Variants in RHD observed in about 807,000 individuals in gnomAD.
RHD encodes the protein Rh blood group D antigen, also known as blood group Rh(D) polypeptide.
RHD carries 16 observed loss-of-function variants against 45.5 expected under a neutral mutation model. The ratio of observed to expected loss-of-function variants is 0.35; its 90% CI spans 0.24 to 0.53. The LOEUF (loss-of-function observed/expected upper bound fraction) is 0.53. Among genes scored for constraint, RHD ranks in the 20% least tolerant of loss-of-function variants. The pLI, the probability that RHD is intolerant of heterozygous loss-of-function variation, is 0.92. For missense variants in RHD, 306 were observed against 532.0 expected (o/e 0.58, Z 4.18); for synonymous variants, 131 against 217.5 (o/e 0.60, Z 3.50).
intron 7 of RHD, chr1:25,307,083 A>G (rs1643889957): frequency 3.1e-6 from 1 of 326,364 alleles, no homozygotes. Flanking sequence ...CCCACTGCGT[A>G]CTAGCTGGGC....
In RHD at chr1:25,290,771, G is replaced by T; in HGVS notation, c.466G>T (p.Val156Phe). Residue 156 changes from valine (V) to phenylalanine (F), a missense_variant, in exon 3 of 10, where the codon GTC becomes TTC. Physicochemically the swap from Val to Phe is conservative, Grantham distance 50. Transcript: ENST00000328664. ...EVTALGNLRM[V>F]ISNIFNTDYH... is the part of the protein sequence containing the mutation. ...GACAGCTTTAGGCAACCTGAGGATGGTCATCAGTAATATCTTCAACGTGAG... is the reference window on the plus strand; with the variant it reads ...GACAGCTTTAGGCAACCTGAGGATGTTCATCAGTAATATCTTCAACGTGAG... The T allele has an allele frequency of 2.2e-6, 3 of 1,377,170 alleles. 1 individual carries two copies. Among genetic ancestry groups the T allele is most frequent in the Middle Eastern group, 3.6e-4 (2 of 5,494 alleles). The allele number at this position is 1,377,170 out of a possible 1,614,324, so 85.3% of individuals were successfully genotyped here. A position where few individuals can be genotyped will look rare whatever the true frequency, so the allele number is the denominator to read the frequency against.
At chr1:25,307,054 G>C (rs1643888703) in intron 7 of RHD, 2 of 337,772 alleles carry the variant, frequency 5.9e-6, no homozygotes, top group East Asian at 1.2e-4. Context: ...GTGATGCAGA[G>C]CTTTGCTGTG....
At chr1:25,303,242 C>G in intron 5 of RHD, 80 bp from the exon 6 acceptor site, 1 of 1,043,584 alleles carries the variant, frequency 9.6e-7, no homozygotes, top group Admixed American at 2.0e-5. Flanking sequence ...TTGCCTTGTT[C>G]CCAGCGTGCT....
chr1:25,280,057 G>T (rs1214840598), intron 1 of RHD, among the ~76,000 whole-genome samples: 1 of 129,576 alleles, frequency 7.7e-6, no homozygotes, highest in Non-Finnish European at 1.8e-5. Flanking sequence ...GAGGGGGCAG[G>T]GGGAGGAGAA....
At position 25,322,877 on chromosome 1, in the gene RHD, G is replaced by A. The variant is rs1644793179; in HGVS notation, c.1227+915G>A. 1.6e-5 allele frequency among the ~76,000 whole-genome samples: 2 copies of A among 126,644 alleles called. 1 individual carries two copies. The highest frequency in any genetic ancestry group is 5.4e-5 in the African/African-American group (2 of 37,188). 83.1% of individuals were successfully genotyped at this position (126,644 alleles called of 152,430 possible). ...TAGAAAGGGGAGCGGGAATTGAGCT[G>A]AAGCAATCTTACAGAAGTAAAACAG... On this transcript the variant is annotated intron_variant, in intron 9 of 9. Coordinates refer to ENST00000328664, the MANE Select transcript of RHD (RefSeq NM_016124.6).
intron 3 of RHD, among the ~76,000 whole-genome samples, chr1:25,296,243 C>CTTT (rs894411494): frequency 1.7e-5 from 2 of 115,386 alleles, no homozygotes; most frequent in Admixed American, 8.4e-5. Flanking sequence ...GTGTACATTT[C>CTTT]TTTTTTTTTT....
Position 25,276,229 on chromosome 1 carries a change from A to T in RHD, c.148+3534A>T, listed in dbSNP as rs1396226722. Among the ~76,000 whole-genome samples the T allele has an allele frequency of 1.5e-5, 2 of 130,322 alleles. 1 individual carries two copies. The highest frequency in any genetic ancestry group is 3.6e-5 in the Non-Finnish European group (2 of 55,496). The allele number at this position is 130,322 out of a possible 152,430, so 85.5% of individuals were successfully genotyped here. ...TTTTTTAAGTCTCCATCTGTTAGAG[A>T]GGCACATTGAAATGGCATGATATCT... On this transcript the variant is annotated intron_variant, in intron 1 of 9. Transcript: ENST00000328664.
intron 1 of RHD, among the ~76,000 whole-genome samples, chr1:25,273,290 C>A: frequency 8.1e-6 from 1 of 123,234 alleles, no homozygotes; most frequent in Admixed American, 8.0e-5. Context: ...AGGGCACCAC[C>A]ATGCCTGGCT....
Position 25,321,685 on chromosome 1 carries a change from A to AAATAAAATAAAATAAAATAC in RHD, c.1154-185_1154-184insCAATAAAATAAAATAAAATA, listed in dbSNP as rs1557568287. ...ACTCTGTCTCAAAATAAATAAAATA[A>AAATAAAATAAAATAAAATAC]AATAAAATAAAATAAAATAAAATAG... On this transcript the variant is annotated intron_variant, in intron 8 of 9. Coordinates refer to ENST00000328664, the MANE Select transcript of RHD (RefSeq NM_016124.6). Among the ~76,000 whole-genome samples the AAATAAAATAAAATAAAATAC allele has an allele frequency of 1.6e-5, 2 of 123,912 alleles. 1 individual carries two copies. The highest frequency in any genetic ancestry group is 3.8e-5 in the Non-Finnish European group (2 of 52,690). The allele number at this position is 123,912 out of a possible 152,430, so 81.3% of individuals were successfully genotyped here.
intron 3 of RHD, among the ~76,000 whole-genome samples, chr1:25,299,872 C>A (rs191827646): frequency 7.6e-6 from 1 of 131,338 alleles, no homozygotes; most frequent in East Asian, 2.0e-4. Context: ...GCATCAGCCT[C>A]CCAGGTAGAT....
At chr1:25,322,788 C>T (rs540679093) in intron 9 of RHD, among the ~76,000 whole-genome samples, 2,740 of 123,266 alleles carry the variant, frequency 0.022, 398 homozygotes, top group African/African-American at 0.069. Context: ...GACCTAGAGA[C>T]GACTAGTGCT....
At chr1:25,299,070 G>GAGA (rs746810539) in intron 3 of RHD, among the ~76,000 whole-genome samples, 1 of 61,062 alleles carries the variant, frequency 1.6e-5, no homozygotes, top group Non-Finnish European at 3.5e-5. Context: ...AGCACATGGT[G>GAGA]ATAAAAAAAA....
Position 25,282,839 on chromosome 1 carries a change from G to C in RHD, c.149-1734G>C, listed in dbSNP as rs537573442. ...GAACCCGGGAGGTGGAGGTTGCAGCGAGCCGAGATCGCACCACTGCACTCC... is the reference window on the plus strand; with the variant it reads ...GAACCCGGGAGGTGGAGGTTGCAGCCAGCCGAGATCGCACCACTGCACTCC... On this transcript the variant is annotated intron_variant, in intron 1 of 9. Transcript: ENST00000328664. 4.6e-5 allele frequency among the ~76,000 whole-genome samples: 6 copies of C among 129,504 alleles called. 1 individual carries two copies. The highest frequency in any genetic ancestry group is 1.6e-4 in the African/African-American group (6 of 38,000). The allele number at this position is 129,504 out of a possible 152,430, so 85.0% of individuals were successfully genotyped here.
In RHD at chr1:25,329,830, T is replaced by C. The variant is rs1387448128; in HGVS notation, c.*906T>C. 2 of 129,404 alleles carry C rather than the reference T, an allele frequency of 1.5e-5. 1 individual carries two copies. 8.0% of individuals were successfully genotyped at this position (129,404 alleles called of 1,614,324 possible). A position where few individuals can be genotyped will look rare whatever the true frequency, so the allele number is the denominator to read the frequency against. ...TACCACACCCAGCTAATTTTTGCAT[T>C]TTTACTTGACAGGGTTTCACCATGT... On this transcript the variant is annotated 3_prime_UTR_variant, in exon 10 of 10. Coordinates refer to ENST00000328664, the MANE Select transcript of RHD (RefSeq NM_016124.6).
In RHD at chr1:25,318,415, C is replaced by T. The variant is rs1380102904; in HGVS notation, c.1153+1336C>T. 3 of 131,540 alleles carry T rather than the reference C, an allele frequency of 2.3e-5. 1 individual carries two copies. Among genetic ancestry groups the T allele is most frequent in the Non-Finnish European group, 5.4e-5 (3 of 55,496 alleles). The allele number at this position is 131,540 out of a possible 1,614,324, so 8.1% of individuals were successfully genotyped here. A position where few individuals can be genotyped will look rare whatever the true frequency, so the allele number is the denominator to read the frequency against. Reference sequence around the variant, plus strand: ...CCAGCCTGACCAACATGGCAAAACCCTGTCTCTACCAGAAATACAAAAATT... The same window carrying T: ...CCAGCCTGACCAACATGGCAAAACCTTGTCTCTACCAGAAATACAAAAATT... On this transcript the variant is annotated intron_variant, in intron 8 of 9. Coordinates refer to ENST00000328664, the MANE Select transcript of RHD (RefSeq NM_016124.6).
chr1:25,298,841 T>G (rs1453944240), intron 3 of RHD, among the ~76,000 whole-genome samples: 3 of 129,546 alleles, frequency 2.3e-5, no homozygotes, highest in Non-Finnish European at 5.4e-5. Context: ...GTACCACAGA[T>G]AAAAATGAAA....
rs368592365 is a variant in RHD, at chr1:25,290,624, C to G, written c.336-17C>G. 1.7e-5 allele frequency: 23 copies of G among 1,370,044 alleles called. 2 individuals carry two copies. The African/African-American group carries it at 3.3e-4, about 19-fold the overall frequency. 84.9% of individuals were successfully genotyped at this position (1,370,044 alleles called of 1,614,324 possible). A position where few individuals can be genotyped will look rare whatever the true frequency, so the allele number is the denominator to read the frequency against. On this transcript the variant is annotated splice_polypyrimidine_tract_variant and intron_variant, in intron 2 of 9. Transcript: ENST00000328664. Reference sequence around the variant, plus strand: ...TCCTTCCTTCTCAGTCGTCCTGGCTCTCCCTCTCTCCCCCAGTATTCGGCT... The same window carrying G: ...TCCTTCCTTCTCAGTCGTCCTGGCTGTCCCTCTCTCCCCCAGTATTCGGCT...
intron 1 of RHD, among the ~76,000 whole-genome samples, chr1:25,278,470 G>A (rs1641204639): frequency 7.6e-6 from 1 of 131,542 alleles, no homozygotes; most frequent in African/African-American, 2.6e-5. Flanking sequence ...CAACAACTGG[G>A]CTGGGTTCAG....
rs1641497713 is a variant in RHD, at chr1:25,281,652, C to T, written c.149-2921C>T. Among the ~76,000 whole-genome samples, 3 of 131,022 alleles carry T rather than the reference C, an allele frequency of 2.3e-5. 1 individual carries two copies. Among genetic ancestry groups the T allele is most frequent in the Admixed American group, 7.4e-5 (1 of 13,452 alleles). 86.0% of individuals were successfully genotyped at this position (131,022 alleles called of 152,430 possible). ...CCCTGTAGAAAATGTCCCCTGGCCA[C>T]ACACCCCCATTCCTAAGGATGCAAG... On this transcript the variant is annotated intron_variant, in intron 1 of 9. Transcript: ENST00000328664.
Sources: gnomAD v4.1 joint callset for allele counts (sites outside exome capture counted in the v4.1 genomes callset) on GRCh38, gnomAD v4.1.1 for gene constraint, MANE v1.5 for transcripts, NCBI Gene and HGNC (gene_info 2026-07-23, HGNC 2026-07-21) for gene names.